RUBCN: variants seen among roughly 807,000 people sequenced by gnomAD.
RUBCN encodes rubicon autophagy regulator.
Under a neutral mutation model 113.2 loss-of-function variants are expected in RUBCN, and 74 were observed. The ratio of observed to expected loss-of-function variants is 0.65; its 90% confidence interval spans 0.54 to 0.79. RUBCN has a LOEUF of 0.79. Ranked by LOEUF, RUBCN falls within the 30% of genes least tolerant of loss-of-function variation. The probability of loss-of-function intolerance (pLI) is 0.00; values close to 1 mark genes in which losing one functional copy is unlikely to be tolerated. For missense variants in RUBCN, 1,109 were observed against 1,251.7 expected, an observed-to-expected ratio of 0.89 and a Z score of 1.72; for synonymous variants, 480 against 490.0, an observed-to-expected ratio of 0.98 and a Z score of 0.27.
Position 197,681,056 on chromosome 3 carries a change from G to A in RUBCN, c.2430+73C>T. On this transcript the variant is annotated intron_variant, in intron 16 of 19. Transcript: ENST00000296343. The surrounding 1 kb of genome is among the most constrained non-coding windows in gnomAD (Gnocchi z 5.5). ...GAGGAGGGGATGGGGGGAGGGGACG[G>A]GGGAGGGACGAGGGGAGGGGATGAG... 1.2e-6 allele frequency: 1 copy of A among 803,570 alleles called. No homozygotes were observed. The highest frequency in any genetic ancestry group is 2.1e-6 in the Non-Finnish European group (1 of 481,686). 49.8% of individuals were successfully genotyped at this position (803,570 alleles called of 1,614,324 possible). A position where few individuals can be genotyped will look rare whatever the true frequency, so the allele number is the denominator to read the frequency against.
rs145671368 is a variant in RUBCN at position 197,676,399 on chromosome 3, C to T, written c.2646+486G>A. ...CATGATCTCGGCTCACTGCAACCTC[C>T]GCCTCCTGGATTCAAGCAATTCTCC... On this transcript the variant is annotated intron_variant, in intron 18 of 19. Transcript: ENST00000296343. 1.3e-3 allele frequency: 1,109 copies of T among 839,558 alleles called. 9 individuals are homozygous for T. The African/African-American group carries it at 0.019, about 14-fold the overall frequency. 52.0% of individuals were successfully genotyped at this position (839,558 alleles called of 1,614,324 possible). A position where few individuals can be genotyped will look rare whatever the true frequency, so the allele number is the denominator to read the frequency against.
Position 197,700,895 on chromosome 3 carries a change from TG to T in RUBCN, c.978del (p.Ile327LeufsTer43). 1 of 1,614,164 alleles carries T rather than the reference TG, an allele frequency of 6.2e-7. No homozygotes were observed. The stretch of plus-strand genomic sequence containing the variant: ...CGGCCTCGGGGGTCCAAGTTGCCAA[TG>T]GCCAGGTACTCAGGCCCCTCACTGG... Reference protein sequence around the residue: ...GDASEGPEYLAIGNLDPRGRT... With the variant: ...GDASEGPEYLXIGNLDPRGRT... On this transcript the variant is annotated frameshift_variant, in exon 7 of 20. Coordinates refer to ENST00000296343, the MANE Select transcript of RUBCN (RefSeq NM_014687.4). LOFTEE classifies it high-confidence loss of function.
chr3:197,719,372 G>C (rs1347755178), intron 1 of RUBCN, among the ~76,000 whole-genome samples: 5 of 151,674 alleles, frequency 3.3e-5, no homozygotes, highest in African/African-American at 7.3e-5. Context: ...CAGCTACTCG[G>C]GAGACTGAGA....
chr3:197,725,102 A>T (rs1174047617), intron 1 of RUBCN, among the ~76,000 whole-genome samples: 1 of 152,216 alleles, frequency 6.6e-6, no homozygotes, highest in Non-Finnish European at 1.5e-5. Flanking sequence ...AAGGATTTTT[A>T]AAATACTCAG....
chr3:197,714,384 A>C (rs1228232595), intron 2 of RUBCN, among the ~76,000 whole-genome samples: 1 of 152,152 alleles, frequency 6.6e-6, no homozygotes, highest in Admixed American at 6.5e-5. Context: ...GCAGTGGCAC[A>C]ATCATAGCTC....
intron 18 of RUBCN, chr3:197,676,177 T>C (rs1188976195): frequency 1.0e-6 from 1 of 990,090 alleles, no homozygotes. Context: ...AGAAAGTAAA[T>C]TATTCTCTTC....
chr3:197,746,656 G>A (rs964496046), intron 1 of RUBCN, among the ~76,000 whole-genome samples: 8 of 152,094 alleles, frequency 5.3e-5, no homozygotes, highest in East Asian at 1.9e-4. Flanking sequence ...ACAATTGTCC[G>A]TTGTTTATCT....
At chr3:197,736,589 C>T in intron 1 of RUBCN, 66 bp downstream of exon 1, 2 of 1,488,286 alleles carry the variant, frequency 1.3e-6, no homozygotes, top group Non-Finnish European at 1.8e-6. Flanking sequence ...GACCCCGCGC[C>T]CTCCCAAGCC....
upstream of RUBCN, among the ~76,000 whole-genome samples, chr3:197,737,626 T>C (rs972159818): frequency 1.1e-4 from 17 of 152,024 alleles, no homozygotes; most frequent in African/African-American, 3.6e-4. Flanking sequence ...TGAAATGCCA[T>C]TTTAAGGAGT....
chr3:197,675,056 C>T lies in RUBCN; in HGVS notation c.2881G>A (p.Ala961Thr), dbSNP rs371725963. The change falls in exon 20 of 20, where the codon GCG becomes ACG. Residue 961 changes from alanine (A) to threonine (T), a missense_variant. Physicochemically the swap from Ala to Thr is moderately conservative, Grantham distance 58. Transcript: ENST00000296343. This position sits in a 1 kb window ranked among gnomAD's most constrained non-coding sequence, Gnocchi z 4.4. ...LSDYEEEPAE[A>T]LALEAAVLEA... ...AGGACGGCGGCTTCCAGGGCCAGCG[C>T]TTCCGCGGGCTCCTCCTCGTAGTCT... The T allele has an allele frequency of 3.7e-6, 6 of 1,613,054 alleles. No homozygotes were observed. Among genetic ancestry groups the T allele is most frequent in the Non-Finnish European group, 5.1e-6 (6 of 1,179,920 alleles).
intron 1 of RUBCN, among the ~76,000 whole-genome samples, chr3:197,724,960 G>T (rs1204643335): frequency 6.6e-6 from 1 of 152,064 alleles, no homozygotes; most frequent in Non-Finnish European, 1.5e-5. Flanking sequence ...CAGGTGCATT[G>T]CTTGAGCTCA....
intron 16 of RUBCN, among the ~76,000 whole-genome samples, chr3:197,678,279 C>T (rs570467798): frequency 6.6e-5 from 10 of 151,512 alleles, no homozygotes; most frequent in South Asian, 4.2e-4. Context: ...TGGCTCCAGA[C>T]TGTCCTATGC....
Position 197,696,058 on chromosome 3 carries a change from C to T in RUBCN, c.1358-77G>A, listed in dbSNP as rs925899902. The T allele has an allele frequency of 3.0e-6, 4 of 1,342,794 alleles. No homozygotes were observed. The African/African-American group carries it at 4.3e-5, about 14-fold the overall frequency. 83.2% of individuals were successfully genotyped at this position (1,342,794 alleles called of 1,614,324 possible). A position where few individuals can be genotyped will look rare whatever the true frequency, so the allele number is the denominator to read the frequency against. On this transcript the variant is annotated intron_variant, in intron 8 of 19. Coordinates refer to ENST00000296343, the MANE Select transcript of RUBCN (RefSeq NM_014687.4). ...AAGCTTTTGTCATTAAAGATGCTCC[C>T]AAGTCTTCCCAGGTAACTGGGAATT...
intron 11 of RUBCN, among the ~76,000 whole-genome samples, chr3:197,691,533 G>A (rs370014460): frequency 1.3e-5 from 2 of 152,128 alleles, no homozygotes; most frequent in East Asian, 1.9e-4. Flanking sequence ...TCTGGCCCAC[G>A]TGTTGGGAAA....
chr3:197,676,327 C>G, intron 18 of RUBCN: 1 of 1,001,174 alleles, frequency 1.0e-6, no homozygotes, highest in Non-Finnish European at 1.2e-6. Flanking sequence ...ATCATGACAA[C>G]TGCCTTTTTT....
At chr3:197,698,569 AAAAAAACAAAAAAAC>A (rs895443352) in intron 7 of RUBCN, among the ~76,000 whole-genome samples, 2 of 152,172 alleles carry the variant, frequency 1.3e-5, no homozygotes, top group African/African-American at 2.4e-5. Flanking sequence ...AGGAGAGGGA[AAAAAAACAAAAAAAC>A]AAAAAACAAA....
rs1720140588 is a variant in RUBCN at position 197,674,738 on chromosome 3, C to CA, written c.*279dup. Reference sequence around the variant, plus strand: ...TTGGTCTTGCTGTCTCTTCCACTGACAGAGGCACTAGAAGCTTCACTGAAG... The same window carrying CA: ...TTGGTCTTGCTGTCTCTTCCACTGACAAGAGGCACTAGAAGCTTCACTGAAG... On this transcript the variant is annotated 3_prime_UTR_variant, in exon 20 of 20. Coordinates refer to ENST00000296343, the MANE Select transcript of RUBCN (RefSeq NM_014687.4). The CA allele has an allele frequency of 4.1e-6, 2 of 489,590 alleles. No homozygotes were observed. The highest frequency in any genetic ancestry group is 7.3e-6 in the Non-Finnish European group (2 of 274,904). 30.3% of individuals were successfully genotyped at this position (489,590 alleles called of 1,614,324 possible).
chr3:197,749,428 A>C, exon 1 of RUBCN: 1 of 1,225,800 alleles, frequency 8.2e-7, no homozygotes, highest in Non-Finnish European at 1.0e-6. Context: ...CTTTGCGTTC[A>C]GATGCGGCAG....
upstream of RUBCN, among the ~76,000 whole-genome samples, chr3:197,739,398 G>A (rs1488825791): frequency 1.4e-3 from 191 of 136,126 alleles, no homozygotes; most frequent in African/African-American, 2.5e-3. Context: ...TCTGAAAAAA[G>A]AAAAAAAAAA....
Sources: gnomAD v4.1 joint callset for allele counts (sites outside exome capture counted in the v4.1 genomes callset) on GRCh38, gnomAD v4.1.1 for gene constraint, Gnocchi (gnomAD v3.1) non-coding constraint, MANE v1.5 for transcripts, NCBI Gene and HGNC (gene_info 2026-07-23, HGNC 2026-07-21) for gene names.